The following TPTE variants were observed in gnomAD, a reference collection of about 807,000 sequenced individuals.
TPTE encodes putative tyrosine-protein phosphatase TPTE.
A neutral mutation model predicts 84.1 loss-of-function variants in TPTE; 59 were observed. The observed-to-expected ratio is 0.70, with a 90% CI of 0.57 to 0.87. The LOEUF (loss-of-function observed/expected upper bound fraction) is 0.87. Ranked by LOEUF, TPTE falls within the 40% of genes least tolerant of loss-of-function variation. The pLI, the probability that TPTE is intolerant of heterozygous loss-of-function variation, is 0.00. For synonymous variants in TPTE, 130 were observed against 223.5 expected (o/e 0.58, Z 3.73); for missense variants, 382 against 659.6 (o/e 0.58, Z 4.61).
chr21:10,523,017 A>G (rs1383330155), intron 1 of TPTE, among the ~76,000 whole-genome samples: 1 of 152,306 alleles, frequency 6.6e-6, no homozygotes, highest in African/African-American at 2.4e-5. Context: ...TTTTAGTGAA[A>G]TTTAATATTG....
chr21:10,577,415 G>T (rs575664410), intron 14 of TPTE, 45 bp from the exon 15 acceptor site: 2 of 1,613,950 alleles, frequency 1.2e-6, no homozygotes, highest in African/African-American at 2.7e-5. Flanking sequence ...AATAGCTTAT[G>T]TTGGTGCCAT....
chr21:10,567,990 A>G (rs116180341), intron 11 of TPTE, among the ~76,000 whole-genome samples: 8 of 152,416 alleles, frequency 5.2e-5, no homozygotes, highest in African/African-American at 1.9e-4. Context: ...TGAAGAGTAT[A>G]CAGGCTAAGT....
chr21:10,582,548 C>T (rs533765114), intron 17 of TPTE, among the ~76,000 whole-genome samples: 55 of 152,314 alleles, frequency 3.6e-4, no homozygotes, highest in African/African-American at 1.2e-3. Flanking sequence ...GAAGTGACAA[C>T]TTTGCGATAT....
intron 3 of TPTE, among the ~76,000 whole-genome samples, chr21:10,536,162 C>T (rs1417211553): frequency 1.3e-5 from 2 of 152,306 alleles, no homozygotes; most frequent in Non-Finnish European, 2.9e-5. Flanking sequence ...CCTGTAATCC[C>T]ATCTACTCAG....
chr21:10,589,602 A>G (rs1248714466), intron 17 of TPTE, among the ~76,000 whole-genome samples: 3 of 152,428 alleles, frequency 2.0e-5, no homozygotes, highest in African/African-American at 7.2e-5. Context: ...TTCCCCCACA[A>G]AGTCTCCAAG....
intron 8 of TPTE, among the ~76,000 whole-genome samples, chr21:10,555,465 C>A (rs1314524324): frequency 6.6e-6 from 1 of 152,312 alleles, no homozygotes; most frequent in African/African-American, 2.4e-5. Flanking sequence ...CTTGGCCACC[C>A]AAAGTGCTGG....
chr21:10,558,610 C>G (rs2074730401), intron 8 of TPTE, among the ~76,000 whole-genome samples: 1 of 152,310 alleles, frequency 6.6e-6, no homozygotes, highest in Non-Finnish European at 1.5e-5. Context: ...TGCTCAGTAT[C>G]TGCCCTCTTT....
chr21:10,585,396 A>T (rs2075346438), intron 17 of TPTE, among the ~76,000 whole-genome samples: 1 of 152,312 alleles, frequency 6.6e-6, no homozygotes, highest in African/African-American at 2.4e-5. Context: ...AAATGTGGTT[A>T]ATTGCATTGA....
chr21:10,541,576 A>C (rs2074370493), intron 5 of TPTE, among the ~76,000 whole-genome samples: 1 of 152,312 alleles, frequency 6.6e-6, no homozygotes, highest in South Asian at 2.1e-4. Flanking sequence ...CTGATAATAC[A>C]GTGTTTCTTT....
chr21:10,593,874 A>AACT (rs2075531907), intron 19 of TPTE, among the ~76,000 whole-genome samples: 1 of 152,312 alleles, frequency 6.6e-6, no homozygotes, highest in Admixed American at 6.5e-5. Flanking sequence ...AGAACTCTCT[A>AACT]ACTACTGGCC....
chr21:10,551,086 G>A (rs2074563389), intron 7 of TPTE, among the ~76,000 whole-genome samples: 1 of 152,308 alleles, frequency 6.6e-6, no homozygotes, highest in Non-Finnish European at 1.5e-5. Flanking sequence ...CCAAAACAGG[G>A]GACGCAGCAA....
intron 21 of TPTE, among the ~76,000 whole-genome samples, chr21:10,599,831 G>GTTAGTTAGTTGTTTCT (rs774194351): frequency 1.8e-3 from 262 of 142,166 alleles, no homozygotes; most frequent in African/African-American, 5.7e-3. Flanking sequence ...TAGTTAGTTG[G>GTTAGTTAGTTGTTTCT]TTCTTTCTTT....
intron 5 of TPTE, among the ~76,000 whole-genome samples, chr21:10,541,939 C>G (rs1173997706): frequency 6.6e-6 from 1 of 152,312 alleles, no homozygotes; most frequent in African/African-American, 2.4e-5. Context: ...AAATCACCAT[C>G]CTATTGGATT....
At chr21:10,545,881 G>C (rs908870909) in intron 7 of TPTE, among the ~76,000 whole-genome samples, 6 of 151,792 alleles carry the variant, frequency 4.0e-5, no homozygotes, top group Non-Finnish European at 5.9e-5. Flanking sequence ...AACATCAGTA[G>C]TCATGTATAT....
chr21:10,527,149 T>TCACACACACACA (rs1277546815), intron 2 of TPTE, among the ~76,000 whole-genome samples: 1 of 149,152 alleles, frequency 6.7e-6, no homozygotes, highest in African/African-American at 2.6e-5. Context: ...TCTCTCTCTC[T>TCACACACACACA]CTCTCTCTCA....
intron 1 of TPTE, among the ~76,000 whole-genome samples, chr21:10,523,595 A>C (rs4485644): frequency 3.9e-5 from 6 of 152,242 alleles, no homozygotes; most frequent in African/African-American, 1.4e-4. Flanking sequence ...ATGATTTCCA[A>C]TTTCATCCAT....
chr21:10,552,523 T>G, intron 7 of TPTE, 134 bp from the exon 8 acceptor site: 3 of 1,423,106 alleles, frequency 2.1e-6, no homozygotes, highest in Non-Finnish European at 1.9e-6. Context: ...ATATTAGGTC[T>G]TCCAGTGAGC....
intron 8 of TPTE, among the ~76,000 whole-genome samples, chr21:10,553,845 C>G (rs1445751505): frequency 1.3e-5 from 2 of 152,306 alleles, no homozygotes; most frequent in Admixed American, 6.5e-5. Flanking sequence ...ATAATGCAAT[C>G]CATGTACTGG....
At chr21:10,571,855 A>G (rs2075049719) in intron 14 of TPTE, among the ~76,000 whole-genome samples, 2 of 152,420 alleles carry the variant, frequency 1.3e-5, no homozygotes, top group South Asian at 4.1e-4. Flanking sequence ...AAATACAAAA[A>G]TTAGTTGGGT....
Sources: gnomAD v4.1 joint callset for allele counts (sites outside exome capture counted in the v4.1 genomes callset) on GRCh38, gnomAD v4.1.1 for gene constraint, MANE v1.5 for transcripts, NCBI Gene and HGNC (gene_info 2026-07-23, HGNC 2026-07-21) for gene names.